Variants in OVCH1 observed in about 807,000 individuals in gnomAD.
The protein encoded by OVCH1 is ovochymase 1.
A neutral mutation model predicts 138.4 loss-of-function variants in OVCH1; 139 were observed. The observed-to-expected ratio is 1.00, with a 90% CI of 0.87 to 1.16. The LOEUF (loss-of-function observed/expected upper bound fraction) is 1.16, where lower values mean the gene tolerates loss of function less well. Ranked by LOEUF, OVCH1 falls within the 50% of genes most tolerant of loss-of-function variation. The probability of loss-of-function intolerance (pLI) is 0.00; values close to 1 mark genes in which losing one functional copy is unlikely to be tolerated. For missense variants in OVCH1, 1,367 were observed against 1,357.9 expected, an observed-to-expected ratio of 1.01 and a Z score of -0.11; for synonymous variants, 453 against 467.8, an observed-to-expected ratio of 0.97 and a Z score of 0.41.
chr12:29,459,042 T>C (rs964110947), intron 19 of OVCH1, among the ~76,000 whole-genome samples: 1 of 151,792 alleles, frequency 6.6e-6, no homozygotes, highest in African/African-American at 2.4e-5. Context: ...TTGATGAGAA[T>C]ATCAATTAGT....
intron 14 of OVCH1, 95 bp downstream of exon 14, chr12:29,474,966 T>C: frequency 2.3e-6 from 3 of 1,325,740 alleles, no homozygotes; most frequent in Non-Finnish European, 3.0e-6. Context: ...ACCAAGGGGA[T>C]TGCTATACTA....
At chr12:29,424,687 C>T (rs73276831), downstream of OVCH1, among the ~76,000 whole-genome samples, 13,797 of 152,026 alleles carry the variant, frequency 0.091, 650 homozygotes, top group African/African-American at 0.12. Flanking sequence ...CTCTGTGCCT[C>T]GATAATCTCA....
chr12:29,405,052 A>C, the OVCH1 span, among the ~76,000 whole-genome samples: 2 of 129,896 alleles, frequency 1.5e-5, no homozygotes, highest in South Asian at 2.4e-4. Context: ...AAAAAAAAAA[A>C]AAAACAAAAG....
chr12:29,486,926 C>G (rs1215187187), intron 7 of OVCH1: 1 of 455,880 alleles, frequency 2.2e-6, no homozygotes, highest in Admixed American at 2.3e-5. Context: ...AAGAGAACTG[C>G]TCCCCTGCAG....
At chr12:29,409,871 TTC>T (rs1229555427), downstream of OVCH1, among the ~76,000 whole-genome samples, 1 of 152,170 alleles carries the variant, frequency 6.6e-6, no homozygotes, top group Admixed American at 6.5e-5. Context: ...CTTGTCAACT[TTC>T]TGTCTCATCG....
intron 22 of OVCH1, among the ~76,000 whole-genome samples, chr12:29,450,016 G>C (rs138246097): frequency 6.6e-6 from 1 of 151,926 alleles, no homozygotes; most frequent in South Asian, 2.1e-4. Flanking sequence ...AAAAATTAAC[G>C]CAAGATGGAT....
rs1325022667 is a variant in OVCH1, at chr12:29,451,518, G to GGT, written c.2580_2581dup (p.Pro861HisfsTer46). 1 of 1,612,944 alleles carries GGT rather than the reference G, an allele frequency of 6.2e-7. No homozygotes were observed. The highest frequency in any genetic ancestry group is 8.5e-7 in the Non-Finnish European group (1 of 1,179,506). On this transcript the variant is annotated frameshift_variant, in exon 22 of 28. Transcript: ENST00000318184. LOFTEE classifies it high-confidence loss of function. ...TCCTCTATAATCCAGTAGATACCGT[G>GGT]GTGTGGGAAAAAAGCCTCTAGGCTT...
intron 4 of OVCH1, among the ~76,000 whole-genome samples, chr12:29,493,766 T>C (rs1371684992): frequency 6.6e-6 from 1 of 152,208 alleles, no homozygotes; most frequent in African/African-American, 2.4e-5. Context: ...AACTTTAATA[T>C]ACTAATTTTC....
At chr12:29,468,198 T>A (rs1316766126) in intron 16 of OVCH1, among the ~76,000 whole-genome samples, 2 of 152,206 alleles carry the variant, frequency 1.3e-5, no homozygotes, top group African/African-American at 4.8e-5. Flanking sequence ...TATTGATGAC[T>A]TCTAGAGAAA....
rs374185596 is a variant in OVCH1, at chr12:29,473,045, T to C, written c.1659A>G (p.Val553=). The C allele has an allele frequency of 7.4e-6, 12 of 1,610,938 alleles. No homozygotes were observed. In the African/African-American group the frequency reaches 1.2e-4, roughly 16 times the overall value. Residue 553 remains valine, a synonymous_variant, in exon 15 of 28, where the codon GTA becomes GTG. Coordinates refer to ENST00000318184, the Ensembl canonical transcript of OVCH1. Reference sequence around the variant, plus strand: ...CCAACTCACCATGCAGAATAGCTTTTACGGTAGATACAGGATTGTTTTGGG... The same window carrying C: ...CCAACTCACCATGCAGAATAGCTTTCACGGTAGATACAGGATTGTTTTGGG...
intron 4 of OVCH1, among the ~76,000 whole-genome samples, chr12:29,493,706 T>C (rs1367128713): frequency 1.3e-5 from 2 of 152,174 alleles, no homozygotes; most frequent in African/African-American, 4.8e-5. Flanking sequence ...TTCCCTTCCA[T>C]CTAATAGTTT....
Position 29,496,324 on chromosome 12 carries a change from ATATG to A in OVCH1, c.184-50_184-47del, listed in dbSNP as rs1565618996. ...AAATGCAGCTAATATGTCTCCCCACATATGTATCTCCATCGGAAACACTGGAGAT... is the reference window on the plus strand; with the variant it reads ...AAATGCAGCTAATATGTCTCCCCACATATCTCCATCGGAAACACTGGAGAT... On this transcript the variant is annotated intron_variant, in intron 2 of 27. Transcript: ENST00000318184. The A allele has an allele frequency of 2.1e-6, 3 of 1,444,502 alleles. No homozygotes were observed. The Admixed American group carries it at 5.8e-5, about 28-fold the overall frequency. The allele number at this position is 1,444,502 out of a possible 1,614,324, so 89.5% of individuals were successfully genotyped here.
intron 27 of OVCH1, among the ~76,000 whole-genome samples, chr12:29,431,120 C>G (rs1385655074): frequency 6.6e-6 from 1 of 152,032 alleles, no homozygotes; most frequent in Non-Finnish European, 1.5e-5. Context: ...TAGAAAGTTT[C>G]AAAAATAGAG....
At chr12:29,439,305 A>G in intron 26 of OVCH1, 1 of 1,470,692 alleles carries the variant, frequency 6.8e-7, no homozygotes, top group Non-Finnish European at 9.0e-7. Flanking sequence ...CCCAAGTTCT[A>G]ATCACCTCTT....
chr12:29,442,946 AG>A (rs1941526039), intron 25 of OVCH1, among the ~76,000 whole-genome samples: 1 of 152,104 alleles, frequency 6.6e-6, no homozygotes, highest in South Asian at 2.1e-4. Flanking sequence ...CCAAAAAAAA[AG>A]AAAATAATGA....
rs758346789 is a variant in OVCH1 at position 29,496,630 on chromosome 12, G to T, written c.109C>A (p.Pro37Thr). The T allele has an allele frequency of 2.0e-5, 33 of 1,613,712 alleles. 1 individual carries two copies. Among genetic ancestry groups the T allele is most frequent in the Middle Eastern group, 1.6e-4 (1 of 6,084 alleles). ...GAGAAGAATCTAGATCCCACGGCAG[G>T]TTCCTTACTTTTCATGTTGACCATG... Residue 37 changes from proline (P) to threonine (T), a missense_variant, in exon 2 of 28, where the codon CCT becomes ACT. Coordinates refer to ENST00000318184, the Ensembl canonical transcript of OVCH1.
intron 19 of OVCH1, chr12:29,461,586 GCT>G: frequency 2.0e-6 from 1 of 509,452 alleles, no homozygotes; most frequent in South Asian, 2.0e-5. Context: ...CTGCTTAGAA[GCT>G]CTGCCATTTC....
intron 16 of OVCH1, among the ~76,000 whole-genome samples, chr12:29,470,472 G>C (rs1172527738): frequency 6.6e-6 from 1 of 152,042 alleles, no homozygotes; most frequent in East Asian, 1.9e-4. Flanking sequence ...TGCATTGTTT[G>C]GTTTTCTGTT....
At chr12:29,446,332 T>C (rs999572229) in intron 22 of OVCH1, among the ~76,000 whole-genome samples, 35 of 152,122 alleles carry the variant, frequency 2.3e-4, no homozygotes, top group African/African-American at 8.4e-4. Context: ...TTTTAAAGTA[T>C]ACAATGGTGA....
Sources: allele counts gnomAD v4.1 joint callset (sites outside exome capture counted in the v4.1 genomes callset), GRCh38; gene constraint gnomAD v4.1.1; transcripts MANE v1.5; gene names NCBI Gene and HGNC (gene_info 2026-07-23, HGNC 2026-07-21).